The following CDH16 variants were observed in gnomAD, a reference collection of about 807,000 sequenced individuals.
The protein encoded by CDH16 is cadherin-16.
A neutral mutation model predicts 87.6 loss-of-function variants in CDH16; 79 were observed. That is an observed-to-expected ratio of 0.90 (90% CI 0.75 to 1.09). The LOEUF is 1.09. Ranked by LOEUF, CDH16 falls within the 50% of genes least tolerant of loss-of-function variation. CDH16 has a pLI of 0.00. For missense variants in CDH16, 1,124 were observed against 1,071.7 expected (o/e 1.05, Z -0.68); for synonymous variants, 457 against 439.5 (o/e 1.04, Z -0.50).
At chr16:66,915,430 T>C in intron 5 of CDH16, 52 bp from the exon 6 acceptor site, 1 of 1,563,898 alleles carries the variant, frequency 6.4e-7, no homozygotes, top group South Asian at 1.1e-5. Flanking sequence ...GTGGGGAGAG[T>C]CTCCCATGCC....
Position 66,916,356 on chromosome 16 carries a change from G to A in CDH16, c.203C>T (p.Pro68Leu). 6.2e-7 allele frequency: 1 copy of A among 1,614,098 alleles called. No homozygotes were observed. Reference protein sequence around the residue: ...SGDSGKATEGPFAMDPDSGFL... With the variant: ...SGDSGKATEGLFAMDPDSGFL... ...GCCAGAATCTGGATCCATAGCAAAT[G>A]GGCCCTCAGTTGCCTTGCCTGAGTC... Residue 68 changes from proline (P) to leucine (L), a missense_variant, in exon 4 of 18, where the codon CCA (proline) becomes CTA (leucine). By Grantham distance (98) the Pro-to-Leu change is moderately conservative. Coordinates refer to ENST00000299752, the MANE Select transcript of CDH16 (RefSeq NM_004062.4). This position sits in a 1 kb window ranked among gnomAD's most constrained non-coding sequence, Gnocchi z 4.1.
Position 66,912,299 on chromosome 16 carries a change from C to T in CDH16, c.1491G>A (p.Gly497=), listed in dbSNP as rs1962460195. ...DFAIERGDTE[G]TFGLDWEPDS... ...CTGGCTCCCAATCCAGGCCAAAAGT[C>T]CCTTCTGTGTCTCCCCTCTCAATGG... Residue 497 remains glycine, a synonymous_variant, in exon 12 of 18, where the codon GGG becomes GGA. Coordinates refer to ENST00000299752, the MANE Select transcript of CDH16 (RefSeq NM_004062.4). The T allele has an allele frequency of 6.2e-7, 1 of 1,614,104 alleles. No individual in the cohort carries two copies. The highest frequency in any genetic ancestry group is 1.7e-5 in the Admixed American group (1 of 60,018).
At position 66,908,435 on chromosome 16, in the gene CDH16, G is replaced by A. The variant is rs141566500; in HGVS notation, c.2447C>T (p.Pro816Leu). 2.3e-5 allele frequency: 37 copies of A among 1,613,986 alleles called. No individual in the cohort carries two copies. In the African/African-American group the frequency reaches 3.6e-4, roughly 16 times the overall value. Residue 816 changes from proline (P) to leucine (L), a missense_variant, in exon 18 of 18, where the codon CCG (proline) becomes CTG (leucine). Pro to Leu is a moderately conservative substitution (Grantham distance 98). Transcript: ENST00000299752. ...GGGCACGCTGTCTGCTGGTTGATCC[G>A]GGTCCTTCTTCCTTGACATGGTCCA... ...THWTMSRKKDPDQPADSVPLK... is the reference protein window; with the variant it reads ...THWTMSRKKDLDQPADSVPLK...
chr16:66,917,603 A>G, intron 3 of CDH16, 39 bp downstream of exon 3: 1 of 1,439,080 alleles, frequency 6.9e-7, no homozygotes, highest in Non-Finnish European at 9.8e-7. Context: ...CTTTGCGGGG[A>G]GGGATCCCCC....
chr16:66,916,050 G>T lies in CDH16; in HGVS notation c.424+15C>A, dbSNP rs753181779. ...CACCTGACCTTACTGTAAATTGGCT[G>T]CCCTGGTCACTCACCAGGCCTGGTA... On this transcript the variant is annotated intron_variant, in intron 5 of 17. Coordinates refer to ENST00000299752, the MANE Select transcript of CDH16 (RefSeq NM_004062.4). This position sits in a 1 kb window ranked among gnomAD's most constrained non-coding sequence, Gnocchi z 4.1. 1 of 1,614,004 alleles carries T rather than the reference G, an allele frequency of 6.2e-7. No homozygotes were observed. Among genetic ancestry groups the T allele is most frequent in the Admixed American group, 1.7e-5 (1 of 60,022 alleles).
At chr16:66,913,027 G>A in intron 9 of CDH16, 104 bp downstream of exon 9, 1 of 1,266,184 alleles carries the variant, frequency 7.9e-7, no homozygotes. Flanking sequence ...TGTGTGTTAT[G>A]GAGGGACATT....
rs377496674 is a variant in CDH16, at chr16:66,912,271, A to G, written c.1519T>C (p.Ser507Pro). ...CAGAGTCTGAGTCTAACATGCCCAG[A>G]GTCTGGCTCCCAATCCAGGCCAAAA... ...GTFGLDWEPD[S>P]GHVRLRLCKN... Residue 507 changes from serine (S) to proline (P), a missense_variant, in exon 12 of 18, where the codon TCT becomes CCT. Transcript: ENST00000299752. 1.6e-5 allele frequency: 26 copies of G among 1,612,720 alleles called. No homozygotes were observed. The Middle Eastern group carries it at 5.0e-4, about 31-fold the overall frequency.
Position 66,908,318 on chromosome 16 carries a change from G to T in CDH16, c.*74C>A. The T allele has an allele frequency of 8.2e-7, 1 of 1,218,878 alleles. No individual in the cohort carries two copies. 75.5% of individuals were successfully genotyped at this position (1,218,878 alleles called of 1,614,324 possible). On this transcript the variant is annotated 3_prime_UTR_variant, in exon 18 of 18. Transcript: ENST00000299752. ...TCTGTCCTGTCCCCTGCTGGATCTT[G>T]GGTGCTGGGCTCTCTCCCAGGGGAC...
chr16:66,910,533 G>A, intron 14 of CDH16, 31 bp from the exon 15 acceptor site: 1 of 1,467,770 alleles, frequency 6.8e-7, no homozygotes, highest in Admixed American at 2.4e-5. Context: ...AGCTGGCCAG[G>A]TGTTGCCAGG....
At chr16:66,918,705 A>T (rs1348577195) in intron 1 of CDH16, 99 bp downstream of exon 1, 1 of 152,272 alleles carries the variant, frequency 6.6e-6, no homozygotes, top group African/African-American at 2.4e-5. Context: ...AGGCCCTGGG[A>T]ATTCTTTCCC....
At chr16:66,908,913 G>C (rs538748000) in intron 17 of CDH16, among the ~76,000 whole-genome samples, 1 of 152,174 alleles carries the variant, frequency 6.6e-6, no homozygotes, top group African/African-American at 2.4e-5. Flanking sequence ...AAAGACCTGG[G>C]TTCTGTCACA....
intron 1 of CDH16, 38 bp from the exon 2 acceptor site, chr16:66,918,116 T>A (rs1398599744): frequency 2.1e-6 from 3 of 1,452,220 alleles, no homozygotes; most frequent in East Asian, 2.5e-5. Context: ...CCCAGGTGGG[T>A]AGGGAGGGGC....
Position 66,908,392 on chromosome 16 carries a change from T to A in CDH16, c.2490A>T (p.Ter830CysextTer16). Residue 830 changes from the stop codon to cysteine, a stop_lost, in exon 18 of 18, where the codon TGA becomes TGT. Transcript: ENST00000299752. ...TCCCAGCTAGAGCTGCCTGGGCCATTCAGACAGTCGCCTTCAGGGGCACGC... is the reference window on the plus strand; with the variant it reads ...TCCCAGCTAGAGCTGCCTGGGCCATACAGACAGTCGCCTTCAGGGGCACGC... ...ADSVPLKATV[*>C] 6.2e-7 allele frequency: 1 copy of A among 1,613,450 alleles called. No homozygotes were observed. Among genetic ancestry groups the A allele is most frequent in the Non-Finnish European group, 8.5e-7 (1 of 1,179,696 alleles).
At chr16:66,918,369 C>T (rs979809413) in intron 1 of CDH16, among the ~76,000 whole-genome samples, 1 of 152,198 alleles carries the variant, frequency 6.6e-6, no homozygotes, top group African/African-American at 2.4e-5. Context: ...GCCGCAGATC[C>T]CAAAGTGGTA....
Position 66,910,087 on chromosome 16 carries a change from T to C in CDH16, c.2174A>G (p.His725Arg). 6.2e-7 allele frequency: 1 copy of C among 1,610,634 alleles called. No individual in the cohort carries two copies. The highest frequency in any genetic ancestry group is 8.5e-7 in the Non-Finnish European group (1 of 1,178,150). ...ATGCAGGGCCAAGGTGAGGTAGGCA[T>C]GGGAACCTTTTGGGACAGCAGGCAA... ...DWRLQTLNGS[H>R]AYLTLALHWV... Residue 725 changes from histidine (H) to arginine (R), a missense_variant, in exon 16 of 18, where the codon CAT becomes CGT. By Grantham distance (29) the His-to-Arg change is conservative. Transcript: ENST00000299752.
At chr16:66,910,151 T>C in intron 15 of CDH16, 58 bp from the exon 16 acceptor site, 1 of 1,566,480 alleles carries the variant, frequency 6.4e-7, no homozygotes, top group Non-Finnish European at 8.7e-7. Context: ...CTCTGGGGGC[T>C]GCTCCCCCTA....
Position 66,918,846 on chromosome 16 carries a change from CAAG to C in CDH16, c.-59_-57del, listed in dbSNP as rs146513053. 0.034 allele frequency: 5,239 copies of C among 152,656 alleles called. 166 individuals carry two copies. The highest frequency in any genetic ancestry group is 0.094 in the South Asian group (453 of 4,826). The allele number at this position is 152,656 out of a possible 1,614,324, so 9.5% of individuals were successfully genotyped here. A position where few individuals can be genotyped will look rare whatever the true frequency, so the allele number is the denominator to read the frequency against. On this transcript the variant is annotated 5_prime_UTR_variant, in exon 1 of 18. Coordinates refer to ENST00000299752, the MANE Select transcript of CDH16 (RefSeq NM_004062.4). The stretch of plus-strand genomic sequence containing the variant: ...TGGCTCCCTTGGTCCAGCTGCCAAG[CAAG>C]AAGAGAGCTCCTTCTCCAGGGGGCT...
chr16:66,910,291 C>T lies in CDH16; in HGVS notation c.2136G>A (p.Val712=). The stretch of plus-strand genomic sequence containing the variant: ...GAGTCTGGAGGCGCCAATCCCGTTG[C>T]ACCGTGGGGTTGGGACCAAGGGTGA... ...YSFTLGPNPT[V]QRDWRLQTLN... is the part of the protein sequence containing the mutation. The change falls in exon 15 of 18, where the codon GTG becomes GTA. Residue 712 remains valine, a synonymous_variant. Transcript: ENST00000299752. 1 of 1,610,474 alleles carries T rather than the reference C, an allele frequency of 6.2e-7. No individual in the cohort carries two copies. The highest frequency in any genetic ancestry group is 8.5e-7 in the Non-Finnish European group (1 of 1,178,098).
At chr16:66,908,739 CG>C (rs1224196922) in intron 17 of CDH16, among the ~76,000 whole-genome samples, 1 of 152,058 alleles carries the variant, frequency 6.6e-6, no homozygotes, top group African/African-American at 2.4e-5. Flanking sequence ...TTGGGGACAT[CG>C]GGGAACCAGT....
Sources: gnomAD v4.1 joint callset for allele counts (sites outside exome capture counted in the v4.1 genomes callset) on GRCh38, gnomAD v4.1.1 for gene constraint, Gnocchi (gnomAD v3.1) non-coding constraint, MANE v1.5 for transcripts, NCBI Gene and HGNC (gene_info 2026-07-23, HGNC 2026-07-21) for gene names.